The following SLC22A14 variants were observed in gnomAD, a reference collection of about 807,000 sequenced individuals.
SLC22A14 encodes the protein organic cation transporter-like 4.
SLC22A14 carries 50 observed loss-of-function variants against 53.9 expected under a neutral mutation model. The ratio of observed to expected loss-of-function variants is 0.93; its 90% CI spans 0.74 to 1.17. The LOEUF is 1.17. Among genes scored for constraint, SLC22A14 ranks in the 50% most tolerant of loss-of-function variants. The pLI, the probability that SLC22A14 is intolerant of heterozygous loss-of-function variation, is 0.00. For synonymous variants in SLC22A14, 312 were observed against 303.0 expected, an observed-to-expected ratio of 1.03 and a Z score of -0.31; for missense variants, 671 against 734.7, an observed-to-expected ratio of 0.91 and a Z score of 1.00.
At chr3:38,298,949 A>G (rs1194141441) in intron 1 of SLC22A14, among the ~76,000 whole-genome samples, 1 of 152,218 alleles carries the variant, frequency 6.6e-6, no homozygotes, top group African/African-American at 2.4e-5. Flanking sequence ...TTATACACAT[A>G]GTTTCAGAAC....
intron 1 of SLC22A14, among the ~76,000 whole-genome samples, chr3:38,288,023 C>T (rs1483209011): frequency 6.6e-6 from 1 of 152,196 alleles, no homozygotes; most frequent in Non-Finnish European, 1.5e-5. Context: ...TTGTGCAACC[C>T]TCACTACCAT....
intron 1 of SLC22A14, among the ~76,000 whole-genome samples, chr3:38,286,425 T>TC (rs973486088): frequency 6.6e-6 from 1 of 151,792 alleles, no homozygotes; most frequent in Non-Finnish European, 1.5e-5. Context: ...TCTTTTCTTT[T>TC]TTTTTTTTTT....
chr3:38,297,827 T>C (rs1704073881), intron 1 of SLC22A14, among the ~76,000 whole-genome samples: 1 of 152,206 alleles, frequency 6.6e-6, no homozygotes, highest in African/African-American at 2.4e-5. Context: ...ATTTTCCCCT[T>C]TGTAAATGAT....
At chr3:38,312,161 G>A (rs1368264183) in intron 5 of SLC22A14, among the ~76,000 whole-genome samples, 2 of 152,170 alleles carry the variant, frequency 1.3e-5, no homozygotes, top group African/African-American at 4.8e-5. Flanking sequence ...AGCAGGCACA[G>A]TTTTATTAAA....
chr3:38,312,671 C>G (rs946006302), intron 5 of SLC22A14, among the ~76,000 whole-genome samples: 3 of 152,184 alleles, frequency 2.0e-5, no homozygotes, highest in African/African-American at 4.8e-5. Context: ...CTCAGCATGC[C>G]TGAGCAGATA....
At chr3:38,290,478 T>C (rs940638789) in intron 1 of SLC22A14, among the ~76,000 whole-genome samples, 2 of 152,196 alleles carry the variant, frequency 1.3e-5, no homozygotes, top group African/African-American at 4.8e-5. Flanking sequence ...GGGATTGAAA[T>C]GTATGGCCTG....
chr3:38,284,213 T>C (rs192278384), intron 1 of SLC22A14, among the ~76,000 whole-genome samples: 4 of 152,270 alleles, frequency 2.6e-5, no homozygotes, highest in African/African-American at 4.8e-5. Context: ...AGCAGACAGC[T>C]CTTCTCCATC....
At chr3:38,286,194 A>G (rs977755223) in intron 1 of SLC22A14, among the ~76,000 whole-genome samples, 6 of 152,184 alleles carry the variant, frequency 3.9e-5, no homozygotes, top group Non-Finnish European at 7.3e-5. Flanking sequence ...GTGAGCTGAG[A>G]TTGTGCCATT....
At chr3:38,313,705 C>CG in intron 7 of SLC22A14, 22 bp from the exon 8 acceptor site, 1 of 1,532,632 alleles carries the variant, frequency 6.5e-7, no homozygotes, top group Non-Finnish European at 8.9e-7. Flanking sequence ...TGCACGCGCA[C>CG]TTGCCTCCTG....
chr3:38,307,890 T>G lies in SLC22A14; in HGVS notation c.775+170T>G, dbSNP rs28408876. On this transcript the variant is annotated intron_variant, in intron 4 of 10. Coordinates refer to ENST00000448498, the MANE Select transcript of SLC22A14 (RefSeq NM_001320033.2). The surrounding 1 kb of genome is among the most constrained non-coding windows in gnomAD (Gnocchi z 4.4). ...GGGGTGTGGCAGCGTGGGCATCTGCTGGGATCCCACAGGACACAGAGTCAG... is the reference window on the plus strand; with the variant it reads ...GGGGTGTGGCAGCGTGGGCATCTGCGGGGATCCCACAGGACACAGAGTCAG... The G allele has an allele frequency of 1.5e-6, 1 of 688,200 alleles. No individual in the cohort carries two copies. Among genetic ancestry groups the G allele is most frequent in the Admixed American group, 2.7e-5 (1 of 36,986 alleles). 42.6% of individuals were successfully genotyped at this position (688,200 alleles called of 1,614,324 possible).
At position 38,316,446 on chromosome 3, in the gene SLC22A14, C is replaced by A. The variant is rs1329114969; in HGVS notation, c.1655C>A (p.Ala552Asp). 2.5e-6 allele frequency: 4 copies of A among 1,614,134 alleles called. No homozygotes were observed. In the South Asian group the frequency reaches 3.3e-5, roughly 13 times the overall value. Residue 552 changes from alanine to aspartate, a missense_variant, in exon 10 of 11, where the codon GCC becomes GAC. Transcript: ENST00000448498. Reference protein sequence around the residue: ...IFLCCVLAIVAFSLSSLLPET... With the variant: ...IFLCCVLAIVDFSLSSLLPET... ...CTCTGCTGCGTCTTAGCCATCGTGG[C>A]CTTTTCCCTCTCCTCCCTGCTGCCG...
Position 38,313,442 on chromosome 3 carries a change from A to AT in SLC22A14, c.1120_1121insT (p.Asn374IlefsTer2). 6.2e-7 allele frequency: 1 copy of AT among 1,613,930 alleles called. No homozygotes were observed. ...GGCCTCTGTCCTGGACTTCTGTAAG[A>AT]ATAGGCAGCTCTGCAAGGTGACCTT... On this transcript the variant is annotated frameshift_variant, in exon 7 of 11. Transcript: ENST00000448498. LOFTEE classifies it high-confidence loss of function.
At chr3:38,312,174 G>T (rs1447891988) in intron 5 of SLC22A14, among the ~76,000 whole-genome samples, 1 of 152,124 alleles carries the variant, frequency 6.6e-6, no homozygotes, top group African/African-American at 2.4e-5. Context: ...TTATTAAAAA[G>T]TTATACCACC....
chr3:38,313,014 C>T lies in SLC22A14; in HGVS notation c.960C>T (p.Ser320=). ...GGCCACGCAGGATTCTCCCGGAGTCCCCGCGGTGGCTGATGATGAAAGGGA... is the reference window on the plus strand; with the variant it reads ...GGCCACGCAGGATTCTCCCGGAGTCTCCGCGGTGGCTGATGATGAAAGGGA... ...FISYIWILPE[S]PRWLMMKGKV... Residue 320 remains serine, a synonymous_variant, in exon 6 of 11, where the codon TCC becomes TCT. Transcript: ENST00000448498. The T allele has an allele frequency of 6.3e-7, 1 of 1,582,862 alleles. No individual in the cohort carries two copies. Among genetic ancestry groups the T allele is most frequent in the Non-Finnish European group, 8.6e-7 (1 of 1,165,084 alleles).
chr3:38,316,596 G>A (rs1704629456), intron 10 of SLC22A14, 72 bp downstream of exon 10: 10 of 1,379,994 alleles, frequency 7.2e-6, no homozygotes, highest in Middle Eastern at 1.8e-4. Context: ...GAGAGCGTGC[G>A]GGACATTGTC....
At chr3:38,283,298 CAT>C (rs1458639324) in intron 1 of SLC22A14, among the ~76,000 whole-genome samples, 1 of 152,068 alleles carries the variant, frequency 6.6e-6, no homozygotes, top group Non-Finnish European at 1.5e-5. Context: ...TGTAAGGAAA[CAT>C]ATTTACGAGT....
chr3:38,311,567 T>C (rs1704467696), intron 5 of SLC22A14, among the ~76,000 whole-genome samples: 1 of 152,214 alleles, frequency 6.6e-6, no homozygotes, highest in Non-Finnish European at 1.5e-5. Flanking sequence ...CACATTTTAC[T>C]ATAAGTAGTC....
At chr3:38,300,833 G>A (rs760776838) in intron 1 of SLC22A14, among the ~76,000 whole-genome samples, 2 of 152,162 alleles carry the variant, frequency 1.3e-5, no homozygotes, top group African/African-American at 4.8e-5. Context: ...AAGGTTCCAA[G>A]CATGCCAAAC....
intron 1 of SLC22A14, among the ~76,000 whole-genome samples, chr3:38,296,572 C>T (rs1704042747): frequency 6.6e-6 from 1 of 152,196 alleles, no homozygotes; most frequent in African/African-American, 2.4e-5. Context: ...GCTTCCAGAG[C>T]TCCCAAGATG....
Sources: gnomAD v4.1 joint callset for allele counts (sites outside exome capture counted in the v4.1 genomes callset) on GRCh38, gnomAD v4.1.1 for gene constraint, Gnocchi (gnomAD v3.1) non-coding constraint, MANE v1.5 for transcripts, NCBI Gene and HGNC (gene_info 2026-07-23, HGNC 2026-07-21) for gene names.